The following SPRTN variants were observed in gnomAD, a reference collection of about 807,000 sequenced individuals.
SPRTN encodes SprT-like N-terminal domain.
A neutral mutation model predicts 31.9 loss-of-function variants in SPRTN; 11 were observed. That is an observed-to-expected ratio of 0.34 (90% CI 0.22 to 0.57). The LOEUF (loss-of-function observed/expected upper bound fraction) is 0.57. Ranked by LOEUF, SPRTN falls within the 20% of genes least tolerant of loss-of-function variation. The pLI, the probability that SPRTN is intolerant of heterozygous loss-of-function variation, is 0.86. For missense variants in SPRTN, 482 were observed against 590.1 expected, an observed-to-expected ratio of 0.82 and a Z score of 1.90; for synonymous variants, 185 against 212.1, an observed-to-expected ratio of 0.87 and a Z score of 1.11.
rs781529115 is a variant in SPRTN, at chr1:231,352,945, A to G, written c.1054A>G (p.Ile352Val). 5.0e-6 allele frequency: 8 copies of G among 1,614,020 alleles called. No homozygotes were observed. The South Asian group carries it at 8.8e-5, about 18-fold the overall frequency. ...CAGAGGTGTGAATGGATCTCCAAGG[A>G]TAAGTGTAACAGTTGGCAACATCCC... ...AFRGVNGSPR[I>V]SVTVGNIPKN... The change falls in exon 5 of 5, where the codon ATA (isoleucine) becomes GTA (valine). Residue 352 changes from isoleucine (I) to valine (V), a missense_variant. Physicochemically the swap from Ile to Val is conservative, Grantham distance 29 (BLOSUM62 3). Transcript: ENST00000295050.
rs775963978 is a variant in SPRTN, at chr1:231,339,602, G to A, written c.222-167G>A. The A allele has an allele frequency of 7.1e-4, 575 of 805,550 alleles. 7 individuals are homozygous for A. Among genetic ancestry groups the A allele is most frequent in the Non-Finnish European group, 1.6e-4 (76 of 479,566 alleles). 49.9% of individuals were successfully genotyped at this position (805,550 alleles called of 1,614,324 possible). A position where few individuals can be genotyped will look rare whatever the true frequency, so the allele number is the denominator to read the frequency against. ...GAGCCATCGCGGGAGGCGCCCGCGG[G>A]GGTTGTAACTAATTAATTAGGTGAA... On this transcript the variant is annotated intron_variant, in intron 1 of 4. Transcript: ENST00000295050.
chr1:231,339,606 T>G, intron 1 of SPRTN, 163 bp from the exon 2 acceptor site: 1 of 818,314 alleles, frequency 1.2e-6, no homozygotes, highest in Non-Finnish European at 2.0e-6. Flanking sequence ...CCGCGGGGGT[T>G]GTAACTAATT....
rs200987948 is a variant in SPRTN, at chr1:231,353,163, A to G, written c.1272A>G (p.Lys424=). Residue 424 remains lysine, a synonymous_variant, in exon 5 of 5, where the codon AAA becomes AAG. Coordinates refer to ENST00000295050, the MANE Select transcript of SPRTN (RefSeq NM_032018.7). ...KTVFDNFFIK[K]EQIKSSGNDP... The stretch of plus-strand genomic sequence containing the variant: ...TTTTTGACAATTTTTTTATCAAGAA[A>G]GAGCAAATAAAAAGCAGTGGTAATG... 6 of 1,611,996 alleles carry G rather than the reference A, an allele frequency of 3.7e-6. No individual in the cohort carries two copies. Among genetic ancestry groups the G allele is most frequent in the African/African-American group, 1.3e-5 (1 of 74,728 alleles).
At chr1:231,347,207 A>G (rs1037129820) in intron 2 of SPRTN, among the ~76,000 whole-genome samples, 5 of 152,174 alleles carry the variant, frequency 3.3e-5, no homozygotes, top group African/African-American at 7.2e-5. Context: ...CAATGCTCCA[A>G]TGAGCATTTC....
At chr1:231,346,183 C>CTTTTTTTTTTTTTTTTTTTTT (rs71583771) in intron 2 of SPRTN, among the ~76,000 whole-genome samples, 2 of 89,104 alleles carry the variant, frequency 2.2e-5, no homozygotes, top group African/African-American at 9.5e-5. Flanking sequence ...CTTTTCTTTT[C>CTTTTTTTTTTTTTTTTTTTTT]TTTTTTTTTT....
In SPRTN at chr1:231,354,129, CAT is replaced by C; in HGVS notation, c.*770_*771del. On this transcript the variant is annotated 3_prime_UTR_variant, in exon 5 of 5. Transcript: ENST00000295050. ...GCTGATAAGTAACTGATACATATAA[CAT>C]AAACATAACAAAGTTGCCTAGTTGA... The C allele has an allele frequency of 1.0e-6, 1 of 985,160 alleles. No homozygotes were observed. The highest frequency in any genetic ancestry group is 4.7e-5 in the South Asian group (1 of 21,286). 61.0% of individuals were successfully genotyped at this position (985,160 alleles called of 1,614,324 possible). A position where few individuals can be genotyped will look rare whatever the true frequency, so the allele number is the denominator to read the frequency against.
chr1:231,343,623 G>T (rs1400498999), intron 2 of SPRTN, among the ~76,000 whole-genome samples: 1 of 152,056 alleles, frequency 6.6e-6, no homozygotes, highest in Admixed American at 6.6e-5. Flanking sequence ...ACTAAACGTC[G>T]TCTTTACCAC....
chr1:231,338,675 C>T, intron 1 of SPRTN, 71 bp downstream of exon 1: 1 of 1,571,870 alleles, frequency 6.4e-7, no homozygotes, highest in South Asian at 1.1e-5. Context: ...CCCTGGTTTT[C>T]TCTCCTTTCT....
chr1:231,352,818 A>C lies in SPRTN; in HGVS notation c.927A>C (p.Ser309=), dbSNP rs1259744823. The change falls in exon 5 of 5, where the codon TCA becomes TCC. Residue 309 remains serine, a synonymous_variant. Coordinates refer to ENST00000295050, the MANE Select transcript of SPRTN (RefSeq NM_032018.7). The stretch of plus-strand genomic sequence containing the variant: ...AGGTGAAATTTGAACAGAATGGTTC[A>C]AGTAAAAATTCTCATCTGGTCTCCC... ...KIKVKFEQNG[S]SKNSHLVSPA... The C allele has an allele frequency of 6.2e-7, 1 of 1,613,768 alleles. No individual in the cohort carries two copies. The highest frequency in any genetic ancestry group is 8.5e-7 in the Non-Finnish European group (1 of 1,179,886).
At chr1:231,346,797 C>T (rs1013869914) in intron 2 of SPRTN, among the ~76,000 whole-genome samples, 1 of 152,034 alleles carries the variant, frequency 6.6e-6, no homozygotes, top group Non-Finnish European at 1.5e-5. Flanking sequence ...CAAAAATTAG[C>T]CAGGCATGGT....
At chr1:231,345,417 T>G (rs949391195) in intron 2 of SPRTN, among the ~76,000 whole-genome samples, 1 of 152,162 alleles carries the variant, frequency 6.6e-6, no homozygotes. Context: ...CATGAGCCAC[T>G]GTGCCCAGCC....
At chr1:231,351,202 A>C in intron 3 of SPRTN, 102 bp from the exon 4 acceptor site, 1 of 1,186,642 alleles carries the variant, frequency 8.4e-7, no homozygotes, top group Non-Finnish European at 1.1e-6. Flanking sequence ...AAGTTTCAAA[A>C]ATTAAAAAAA....
Position 231,354,247 on chromosome 1 carries a change from TAAGTAATCTTTTTTA to T in SPRTN, c.*889_*903del. 3 of 976,104 alleles carry T rather than the reference TAAGTAATCTTTTTTA, an allele frequency of 3.1e-6. No individual in the cohort carries two copies. The highest frequency in any genetic ancestry group is 3.7e-6 in the Non-Finnish European group (3 of 821,412). 60.5% of individuals were successfully genotyped at this position (976,104 alleles called of 1,614,324 possible). ...TAAAAGGAATACCATTTGTGCATTT[TAAGTAATCTTTTTTA>T]AAAAAAATATTTTCCATGTTATAGG... On this transcript the variant is annotated 3_prime_UTR_variant, in exon 5 of 5. Transcript: ENST00000295050.
At chr1:231,339,084 A>G (rs995554994) in intron 1 of SPRTN, among the ~76,000 whole-genome samples, 6 of 152,154 alleles carry the variant, frequency 3.9e-5, no homozygotes, top group African/African-American at 1.4e-4. Flanking sequence ...TTTTAAAACG[A>G]TTCTTTTTCT....
At position 231,347,767 on chromosome 1, in the gene SPRTN, T is replaced by C; in HGVS notation, c.322-30T>C. On this transcript the variant is annotated intron_variant, in intron 2 of 4. Transcript: ENST00000295050. ...ATTTTCCAAAGTGTCATACAGACTC[T>C]AAAACTAATTTGAATATTTTATGTT... 1.9e-6 allele frequency: 3 copies of C among 1,591,264 alleles called. No homozygotes were observed. The South Asian group carries it at 3.4e-5, about 18-fold the overall frequency.
At position 231,345,277 on chromosome 1, in the gene SPRTN, G is replaced by A. The variant is rs554809370; in HGVS notation, c.322-2520G>A. Among the ~76,000 whole-genome samples the A allele has an allele frequency of 2.2e-3, 338 of 151,888 alleles. 1 individual carries two copies. Among genetic ancestry groups the A allele is most frequent in the Middle Eastern group, 6.8e-3 (2 of 292 alleles). ...CGAGTAGCTGGGATTACAGGCGCCC[G>A]CCACCATGCCTGGCTAATTTTTGTG... is the stretch of plus-strand genomic sequence containing the variant. On this transcript the variant is annotated intron_variant, in intron 2 of 4. Coordinates refer to ENST00000295050, the MANE Select transcript of SPRTN (RefSeq NM_032018.7).
chr1:231,339,852 G>T lies in SPRTN; in HGVS notation c.305G>T (p.Arg102Ile). ...GAACCCCTTTTGAAGTTGAGGCCAA[G>T]AAAGGATCTTGTAGAGGTATTTTTC... ...LSEPLLKLRP[R>I]KDLVETLLHE... Residue 102 changes from arginine to isoleucine, a missense_variant, in exon 2 of 5, where the codon AGA becomes ATA. Arg to Ile is a moderately conservative substitution (Grantham distance 97). Around this residue, in one of 2 missense-constraint regions of SPRTN, gnomAD observed 157 missense variants for 239.9 expected, o/e 0.65. Transcript: ENST00000295050. The T allele has an allele frequency of 6.2e-7, 1 of 1,614,174 alleles. No homozygotes were observed. Among genetic ancestry groups the T allele is most frequent in the Non-Finnish European group, 8.5e-7 (1 of 1,180,010 alleles).
chr1:231,340,315 C>T (rs1219803838), intron 2 of SPRTN, among the ~76,000 whole-genome samples: 1 of 152,058 alleles, frequency 6.6e-6, no homozygotes, highest in Admixed American at 6.6e-5. Flanking sequence ...TGCAATGAGC[C>T]GAGATCGCGC....
Position 231,338,330 on chromosome 1 carries a change from G to A in SPRTN, c.-54G>A. The A allele has an allele frequency of 1.3e-6, 2 of 1,596,894 alleles. No homozygotes were observed. Among genetic ancestry groups the A allele is most frequent in the Non-Finnish European group, 1.7e-6 (2 of 1,169,372 alleles). On this transcript the variant is annotated 5_prime_UTR_variant, in exon 1 of 5. Coordinates refer to ENST00000295050, the MANE Select transcript of SPRTN (RefSeq NM_032018.7). Reference sequence around the variant, plus strand: ...CGGCTAGGCGGCTTGGGGTCGCGGCGTAACTGGGGAGCCAGCCTGACGCCG... The same window carrying A: ...CGGCTAGGCGGCTTGGGGTCGCGGCATAACTGGGGAGCCAGCCTGACGCCG...
Sources: allele counts gnomAD v4.1 joint callset (sites outside exome capture counted in the v4.1 genomes callset), GRCh38; gene constraint gnomAD v4.1.1; regional missense constraint gnomAD v4.1.1; transcripts MANE v1.5; gene names NCBI Gene and HGNC (gene_info 2026-07-23, HGNC 2026-07-21).